Variants in RCAN3 observed in about 807,000 individuals in gnomAD.
RCAN3 encodes regulator of calcineurin 3.
In RCAN3, 19 loss-of-function variants were observed where a neutral mutation model predicts 21.9. The ratio of observed to expected loss-of-function variants is 0.87; its 90% CI spans 0.61 to 1.27. The LOEUF is 1.27. Among genes scored for constraint, RCAN3 ranks in the 50% most tolerant of loss-of-function variants. The pLI, the probability that RCAN3 is intolerant of heterozygous loss-of-function variation, is 0.00. For synonymous variants in RCAN3, 114 were observed against 112.3 expected (o/e 1.01, Z -0.09); for missense variants, 240 against 300.1 (o/e 0.80, Z 1.48).
Position 24,533,259 on chromosome 1 carries a change from T to C in RCAN3, c.541+5T>C. 6.6e-7 allele frequency: 1 copy of C among 1,524,778 alleles called. No individual in the cohort carries two copies. The highest frequency in any genetic ancestry group is 8.8e-7 in the Non-Finnish European group (1 of 1,138,540). 94.5% of individuals were successfully genotyped at this position (1,524,778 alleles called of 1,614,324 possible). On this transcript the variant is annotated splice_donor_5th_base_variant and intron_variant, in intron 4 of 4. Coordinates refer to ENST00000374395, the MANE Select transcript of RCAN3 (RefSeq NM_013441.4). The stretch of plus-strand genomic sequence containing the variant: ...CTGTTTCCAAATTGGGACCAGGTAA[T>C]AAACTTCTATTTTTCCTATTTTCTT...
At position 24,524,414 on chromosome 1, in the gene RCAN3, A is replaced by G. The variant is rs1649089825; in HGVS notation, c.196-6804A>G. Among the ~76,000 whole-genome samples, 6 of 152,160 alleles carry G rather than the reference A, an allele frequency of 3.9e-5. No individual in the cohort carries two copies. The South Asian group carries it at 1.2e-3, about 32-fold the overall frequency. The stretch of plus-strand genomic sequence containing the variant: ...AATAAAGGTTATCAAAGGTTTTTGC[A>G]TTTTTCATATATTCTGCTCCCCTCT... On this transcript the variant is annotated intron_variant, in intron 2 of 4. Coordinates refer to ENST00000374395, the MANE Select transcript of RCAN3 (RefSeq NM_013441.4).
Position 24,507,168 on chromosome 1 carries a change from C to T in RCAN3, c.-60+4018C>T, listed in dbSNP as rs541903914. Among the ~76,000 whole-genome samples the T allele has an allele frequency of 7.2e-5, 11 of 152,298 alleles. No individual in the cohort carries two copies. In the South Asian group the frequency reaches 2.3e-3, roughly 32 times the overall value. ...GCTTGGCAACCTGGCCCATACCTGCCTTTCCGACTGTCTCATGCCACCCCC... is the reference window on the plus strand; with the variant it reads ...GCTTGGCAACCTGGCCCATACCTGCTTTTCCGACTGTCTCATGCCACCCCC... On this transcript the variant is annotated intron_variant, in intron 1 of 4. Transcript: ENST00000374395.
chr1:24,531,461 C>A, intron 3 of RCAN3, 70 bp downstream of exon 3: 1 of 1,200,660 alleles, frequency 8.3e-7, no homozygotes, highest in Non-Finnish European at 1.1e-6. Context: ...TTTTATTTCA[C>A]CGTTTTCTAT....
rs182246749 is a variant in RCAN3, at chr1:24,531,407, G to A, written c.369+16G>A. ...TTTTGCACAGGTACTTCACCGTGCA[G>A]AGAACACTGTTCTCTAAACTTGTTT... On this transcript the variant is annotated intron_variant, in intron 3 of 4. Coordinates refer to ENST00000374395, the MANE Select transcript of RCAN3 (RefSeq NM_013441.4). The A allele has an allele frequency of 1.0e-4, 162 of 1,564,884 alleles. 2 individuals carry two copies. The African/African-American group carries it at 1.7e-3, about 17-fold the overall frequency.
intron 2 of RCAN3, among the ~76,000 whole-genome samples, chr1:24,524,396 G>A (rs548424543): frequency 1.2e-4 from 19 of 152,042 alleles, no homozygotes; most frequent in Non-Finnish European, 1.6e-4. Flanking sequence ...AATAATAAAG[G>A]TTATCAAAGG....
rs1650193017 is a variant in RCAN3, at chr1:24,535,943, T to C, written c.*666T>C. On this transcript the variant is annotated 3_prime_UTR_variant, in exon 5 of 5. Transcript: ENST00000374395. Reference sequence around the variant, plus strand: ...TTATCTGGAATTTGGGACAAAGCAATGCACAGGCCCTCATTCCTGATGTGG... The same window carrying C: ...TTATCTGGAATTTGGGACAAAGCAACGCACAGGCCCTCATTCCTGATGTGG... 1 of 152,192 alleles carries C rather than the reference T, an allele frequency of 6.6e-6. No individual in the cohort carries two copies. Among genetic ancestry groups the C allele is most frequent in the Non-Finnish European group, 1.5e-5 (1 of 68,038 alleles). 9.4% of individuals were successfully genotyped at this position (152,192 alleles called of 1,614,324 possible). A position where few individuals can be genotyped will look rare whatever the true frequency, so the allele number is the denominator to read the frequency against.
At chr1:24,506,099 CTT>C (rs1437674432) in intron 1 of RCAN3, among the ~76,000 whole-genome samples, 2 of 152,136 alleles carry the variant, frequency 1.3e-5, no homozygotes, top group Non-Finnish European at 2.9e-5. Flanking sequence ...TTAGCACAGA[CTT>C]TTGCTTACAG....
intron 3 of RCAN3, 120 bp downstream of exon 3, chr1:24,531,511 C>G: frequency 1.7e-6 from 1 of 587,352 alleles, no homozygotes; most frequent in Non-Finnish European, 2.6e-6. Flanking sequence ...CCATCTCAAT[C>G]AGCAAATAAT....
At chr1:24,506,092 G>A (rs1223629083) in intron 1 of RCAN3, among the ~76,000 whole-genome samples, 1 of 152,156 alleles carries the variant, frequency 6.6e-6, no homozygotes, top group Non-Finnish European at 1.5e-5. Flanking sequence ...ACCTGGATTA[G>A]CACAGACTTT....
At chr1:24,530,883 C>T (rs1649705956) in intron 2 of RCAN3, among the ~76,000 whole-genome samples, 1 of 151,840 alleles carries the variant, frequency 6.6e-6, no homozygotes, top group African/African-American at 2.4e-5. Context: ...GGTGGCCGGC[C>T]CCTATAATCC....
Position 24,526,325 on chromosome 1 carries a change from C to T in RCAN3, c.196-4893C>T, listed in dbSNP as rs527621815. ...CAGGCTGGTCTCAAGTTCCTGGCATCCCACAGTGCTAGGATGAATGGGCCA... is the reference window on the plus strand; with the variant it reads ...CAGGCTGGTCTCAAGTTCCTGGCATTCCACAGTGCTAGGATGAATGGGCCA... On this transcript the variant is annotated intron_variant, in intron 2 of 4. Coordinates refer to ENST00000374395, the MANE Select transcript of RCAN3 (RefSeq NM_013441.4). 1.5e-3 allele frequency among the ~76,000 whole-genome samples: 235 copies of T among 152,214 alleles called. 4 individuals are homozygous for T. Among genetic ancestry groups the T allele is most frequent in the Middle Eastern group, 0.01 (3 of 294 alleles).
chr1:24,514,313 G>T lies in RCAN3; in HGVS notation c.-59-1G>T. The T allele has an allele frequency of 7.3e-7, 1 of 1,377,900 alleles. No homozygotes were observed. The highest frequency in any genetic ancestry group is 9.6e-7 in the Non-Finnish European group (1 of 1,037,840). 85.4% of individuals were successfully genotyped at this position (1,377,900 alleles called of 1,614,324 possible). A position where few individuals can be genotyped will look rare whatever the true frequency, so the allele number is the denominator to read the frequency against. On this transcript the variant is annotated splice_acceptor_variant, in intron 1 of 4. Coordinates refer to ENST00000374395, the MANE Select transcript of RCAN3 (RefSeq NM_013441.4). LOFTEE classifies it low-confidence loss of function (5UTR_SPLICE). The stretch of plus-strand genomic sequence containing the variant: ...CTCTGCATTTTCTTTTTTTTTAACA[G>T]TGGGTGCCTGATAGACATCCTAGGA...
At chr1:24,531,831 A>AG (rs1210737076) in intron 3 of RCAN3, among the ~76,000 whole-genome samples, 1 of 152,220 alleles carries the variant, frequency 6.6e-6, no homozygotes, top group Admixed American at 6.5e-5. Context: ...ACTGTACAAA[A>AG]GGGCTGTCTT....
intron 1 of RCAN3, among the ~76,000 whole-genome samples, chr1:24,503,634 G>T (rs1262941748): frequency 6.6e-6 from 1 of 152,242 alleles, no homozygotes. Flanking sequence ...TCCGCCGCCT[G>T]GACAGGTAGG....
At chr1:24,510,502 A>G (rs371332293) in intron 1 of RCAN3, among the ~76,000 whole-genome samples, 1 of 151,934 alleles carries the variant, frequency 6.6e-6, no homozygotes, top group Non-Finnish European at 1.5e-5. Flanking sequence ...TCATAAACCA[A>G]CCTCCACTAG....
intron 4 of RCAN3, among the ~76,000 whole-genome samples, chr1:24,533,677 A>G (rs1557580495): frequency 6.6e-6 from 1 of 152,092 alleles, no homozygotes; most frequent in Admixed American, 6.5e-5. Flanking sequence ...GCGTACGCCT[A>G]TAGTCCCAGC....
rs1217952284 is a variant in RCAN3 at position 24,525,195 on chromosome 1, T to C, written c.196-6023T>C. Among the ~76,000 whole-genome samples the C allele has an allele frequency of 6.6e-6, 1 of 152,202 alleles. No homozygotes were observed. The highest frequency in any genetic ancestry group is 6.5e-5 in the Admixed American group (1 of 15,276). On this transcript the variant is annotated intron_variant, in intron 2 of 4. Transcript: ENST00000374395. The surrounding 1 kb of genome is among the most constrained non-coding windows in gnomAD (Gnocchi z 4.1). ...GCTCCTTGAAACTGACCTTCCCATA[T>C]GGCCTTTTCCACTTTTCTCCTTTAC...
chr1:24,510,436 A>T (rs1011811160), intron 1 of RCAN3, among the ~76,000 whole-genome samples: 1 of 152,238 alleles, frequency 6.6e-6, no homozygotes, highest in Non-Finnish European at 1.5e-5. Flanking sequence ...CCATATCAGC[A>T]CTTGCTGCTT....
chr1:24,531,538 T>G, intron 3 of RCAN3, 147 bp downstream of exon 3: 4 of 541,580 alleles, frequency 7.4e-6, no homozygotes, highest in Non-Finnish European at 1.2e-5. Flanking sequence ...ATATTTTCCC[T>G]TTATTTTATA....
Sources: gnomAD v4.1 joint callset for allele counts (sites outside exome capture counted in the v4.1 genomes callset) on GRCh38, gnomAD v4.1.1 for gene constraint, Gnocchi (gnomAD v3.1) non-coding constraint, MANE v1.5 for transcripts, NCBI Gene and HGNC (gene_info 2026-07-23, HGNC 2026-07-21) for gene names.